Variants in UTP25 observed in about 807,000 individuals in gnomAD.
The protein encoded by UTP25 is U3 small nucleolar RNA-associated protein 25 homolog.
A neutral mutation model predicts 78.9 loss-of-function variants in UTP25; 50 were observed. The ratio of observed to expected loss-of-function variants is 0.63; its 90% CI spans 0.50 to 0.80. The LOEUF (loss-of-function observed/expected upper bound fraction) is 0.80, where lower values mean the gene tolerates loss of function less well. UTP25 is among the 30% of genes least tolerant of loss of function. The probability of loss-of-function intolerance (pLI) is 0.00; values close to 1 mark genes in which losing one functional copy is unlikely to be tolerated. For missense variants in UTP25, 846 were observed against 911.3 expected, an observed-to-expected ratio of 0.93 and a Z score of 0.92; for synonymous variants, 329 against 336.5, an observed-to-expected ratio of 0.98 and a Z score of 0.24.
chr1:209,831,381 A>C (rs2078102727), intron 3 of UTP25, among the ~76,000 whole-genome samples: 1 of 152,198 alleles, frequency 6.6e-6, no homozygotes, highest in Non-Finnish European at 1.5e-5. Flanking sequence ...AGGGAGACCA[A>C]GTTTGATGGA....
intron 5 of UTP25, among the ~76,000 whole-genome samples, chr1:209,835,620 A>C (rs2078128810): frequency 6.6e-6 from 1 of 152,174 alleles, no homozygotes; most frequent in South Asian, 2.1e-4. Flanking sequence ...GTCCACAAAT[A>C]AATTATCCAG....
chr1:209,845,806 A>AT (rs35300844), intron 11 of UTP25, among the ~76,000 whole-genome samples: 112,023 of 144,604 alleles, frequency 0.77, 43,040 homozygotes, highest in Admixed American at 0.8. Context: ...TGCCTTTGTG[A>AT]TTTTTTTTTT....
chr1:209,847,178 A>T (rs548279911), intron 11 of UTP25, among the ~76,000 whole-genome samples: 1 of 151,896 alleles, frequency 6.6e-6, no homozygotes, highest in East Asian at 1.9e-4. Flanking sequence ...TATATTGTGG[A>T]TTTTTGTGTA....
intron 2 of UTP25, 130 bp from the exon 3 acceptor site, chr1:209,830,673 T>C: frequency 7.1e-7 from 1 of 1,415,020 alleles, no homozygotes. Flanking sequence ...TCTAGAATCA[T>C]AGCTAGATTA....
intron 5 of UTP25, among the ~76,000 whole-genome samples, chr1:209,835,521 A>G (rs753935933): frequency 6.6e-6 from 1 of 152,228 alleles, no homozygotes; most frequent in African/African-American, 2.4e-5. Context: ...AAAATAGAAT[A>G]GTTTACTAAT....
chr1:209,845,145 T>C (rs2078190878), intron 11 of UTP25, among the ~76,000 whole-genome samples: 1 of 152,218 alleles, frequency 6.6e-6, no homozygotes, highest in Non-Finnish European at 1.5e-5. Flanking sequence ...GCAGCTTGCC[T>C]AGGCATAGCA....
chr1:209,834,669 A>G (rs2078123229), intron 4 of UTP25, among the ~76,000 whole-genome samples: 1 of 152,240 alleles, frequency 6.6e-6, no homozygotes, highest in African/African-American at 2.4e-5. Flanking sequence ...TTCAGTGGGT[A>G]ACATTAAATT....
Position 209,833,239 on chromosome 1 carries a change from G to A in UTP25, c.443G>A (p.Gly148Asp). 2 of 1,613,954 alleles carry A rather than the reference G, an allele frequency of 1.2e-6. No homozygotes were observed. Among genetic ancestry groups the A allele is most frequent in the East Asian group, 2.2e-5 (1 of 44,840 alleles). Residue 148 changes from glycine to aspartate, a missense_variant, in exon 4 of 12, where the codon GGC becomes GAC. Coordinates refer to ENST00000491415, the MANE Select transcript of UTP25 (RefSeq NM_014388.7). ...EGKEDGEEPP[G>D]TSQTSPEEFT... ...AAAGAAGATGGGGAAGAGCCACCGG[G>A]CACATCACAAACATCCCCCGAAGAG... is the stretch of plus-strand genomic sequence containing the variant.
intron 11 of UTP25, among the ~76,000 whole-genome samples, chr1:209,849,713 A>G (rs539457626): frequency 6.6e-6 from 1 of 152,324 alleles, no homozygotes; most frequent in Non-Finnish European, 1.5e-5. Flanking sequence ...CTAAAGGAGC[A>G]TCCAGGGATC....
At position 209,844,041 on chromosome 1, in the gene UTP25, C is replaced by T. The variant is rs79478424; in HGVS notation, c.2027+345C>T. 8.1e-3 allele frequency: 1,811 copies of T among 224,836 alleles called. 14 individuals carry two copies. Among genetic ancestry groups the T allele is most frequent in the Non-Finnish European group, 0.012 (1,321 of 113,160 alleles). 13.9% of individuals were successfully genotyped at this position (224,836 alleles called of 1,614,324 possible). On this transcript the variant is annotated intron_variant, in intron 11 of 11. Coordinates refer to ENST00000491415, the MANE Select transcript of UTP25 (RefSeq NM_014388.7). The stretch of plus-strand genomic sequence containing the variant: ...CCTTCCCTGTATTCACTTGAGTTGT[C>T]CCTGTCTAGACTTTTTCCCTCTGTT...
At chr1:209,844,691 T>C (rs1392692128) in intron 11 of UTP25, 1 of 151,900 alleles carries the variant, frequency 6.6e-6, no homozygotes. Flanking sequence ...TACTGAGCCT[T>C]CTATTACTGT....
rs2102587112 is a variant in UTP25, at chr1:209,854,471, A to G, written c.*3024A>G. The G allele has an allele frequency of 1.3e-5, 2 of 152,348 alleles. No homozygotes were observed. Among genetic ancestry groups the G allele is most frequent in the East Asian group, 3.9e-4 (2 of 5,178 alleles). The allele number at this position is 152,348 out of a possible 1,614,324, so 9.4% of individuals were successfully genotyped here. ...GCTTCCAAAGGGCTTATAATTGAGC[A>G]CAGATGGTCCTAGTGGAGATGGGGA... On this transcript the variant is annotated 3_prime_UTR_variant, in exon 12 of 12. Transcript: ENST00000491415.
chr1:209,843,312 T>C lies in UTP25; in HGVS notation c.1782-139T>C, dbSNP rs1469845054. On this transcript the variant is annotated intron_variant, in intron 10 of 11. Transcript: ENST00000491415. Reference sequence around the variant, plus strand: ...AAGTTTTATCCTTACATAATCTCTTTGAGAGGAGGTAAATCATATTGGCCT... The same window carrying C: ...AAGTTTTATCCTTACATAATCTCTTCGAGAGGAGGTAAATCATATTGGCCT... The C allele has an allele frequency of 4.1e-6, 4 of 970,152 alleles. No individual in the cohort carries two copies. In the African/African-American group the frequency reaches 6.6e-5, roughly 16 times the overall value. 60.1% of individuals were successfully genotyped at this position (970,152 alleles called of 1,614,324 possible). A position where few individuals can be genotyped will look rare whatever the true frequency, so the allele number is the denominator to read the frequency against.
At chr1:209,846,212 A>C (rs1056648700) in intron 11 of UTP25, among the ~76,000 whole-genome samples, 1 of 152,082 alleles carries the variant, frequency 6.6e-6, no homozygotes, top group Non-Finnish European at 1.5e-5. Context: ...TATATTCTCT[A>C]TGACAGCTGG....
intron 10 of UTP25, chr1:209,842,961 T>G: frequency 2.3e-6 from 1 of 437,958 alleles, no homozygotes; most frequent in South Asian, 3.3e-5. Context: ...CATTTTAAAA[T>G]TATACAGCTT....
intron 11 of UTP25, among the ~76,000 whole-genome samples, chr1:209,849,787 A>G (rs765827436): frequency 3.3e-5 from 5 of 152,032 alleles, no homozygotes; most frequent in Non-Finnish European, 5.9e-5. Context: ...AAGTGTATCT[A>G]TTTTCTTACT....
Position 209,854,583 on chromosome 1 carries a change from A to C in UTP25, c.*3136A>C, listed in dbSNP as rs2078261577. On this transcript the variant is annotated 3_prime_UTR_variant, in exon 12 of 12. Transcript: ENST00000491415. ...CCCTGATTGTGCCCTCGTGAGGGCA[A>C]GGAGCTATGCTGCTGAAGGAGGAAA... 6.6e-6 allele frequency: 1 copy of C among 152,320 alleles called. No homozygotes were observed. The highest frequency in any genetic ancestry group is 1.5e-5 in the Non-Finnish European group (1 of 68,132). 9.4% of individuals were successfully genotyped at this position (152,320 alleles called of 1,614,324 possible). A position where few individuals can be genotyped will look rare whatever the true frequency, so the allele number is the denominator to read the frequency against.
At chr1:209,842,533 G>A in intron 9 of UTP25, 50 bp from the exon 10 acceptor site, 1 of 1,611,604 alleles carries the variant, frequency 6.2e-7, no homozygotes, top group South Asian at 1.1e-5. Flanking sequence ...ATAGCTTCTG[G>A]TCAAGAAGGG....
intron 11 of UTP25, among the ~76,000 whole-genome samples, chr1:209,850,200 A>G (rs2078223074): frequency 6.6e-6 from 1 of 152,368 alleles, no homozygotes; most frequent in Non-Finnish European, 1.5e-5. Context: ...CATTCTAAGC[A>G]GAAGTAGAAC....
Sources: gnomAD v4.1 joint callset for allele counts (sites outside exome capture counted in the v4.1 genomes callset) on GRCh38, gnomAD v4.1.1 for gene constraint, MANE v1.5 for transcripts, NCBI Gene and HGNC (gene_info 2026-07-23, HGNC 2026-07-21) for gene names.